The following COP1 variants were observed in gnomAD, a reference collection of about 807,000 sequenced individuals.
COP1 encodes the protein COP1 E3 ubiquitin ligase, also known as E3 ubiquitin-protein ligase COP1.
A neutral mutation model predicts 101.3 loss-of-function variants in COP1; 24 were observed. That is an observed-to-expected ratio of 0.24 (90% CI 0.17 to 0.33). The LOEUF is 0.33. Ranked by LOEUF, COP1 falls within the 10% of genes least tolerant of loss-of-function variation. COP1 has a pLI of 1.00. For synonymous variants in COP1, 347 were observed against 341.9 expected (o/e 1.01, Z -0.17); for missense variants, 663 against 906.2 (o/e 0.73, Z 3.45).
chr1:176,143,665 G>GGTT (rs1286752888), intron 6 of COP1, among the ~76,000 whole-genome samples: 7 of 152,068 alleles, frequency 4.6e-5, no homozygotes, highest in Non-Finnish European at 7.4e-5. Context: ...TTTATATAAG[G>GGTT]GGTGCAAGTA....
intron 5 of COP1, among the ~76,000 whole-genome samples, chr1:176,151,381 G>GAAAGAA (rs1216366265): frequency 8.9e-6 from 1 of 112,326 alleles, no homozygotes; most frequent in Non-Finnish European, 2.2e-5. Flanking sequence ...AAGAAAGAAA[G>GAAAGAA]AAAGAAAGAA....
At chr1:176,098,552 G>C (rs1234663113) in intron 9 of COP1, among the ~76,000 whole-genome samples, 1 of 152,152 alleles carries the variant, frequency 6.6e-6, no homozygotes, top group Admixed American at 6.5e-5. Flanking sequence ...TAAATTCTCT[G>C]TGTTAACATA....
intron 14 of COP1, among the ~76,000 whole-genome samples, chr1:176,035,710 C>CAAAAAA (rs71129541): frequency 1.5e-4 from 11 of 73,094 alleles, no homozygotes; most frequent in Admixed American, 4.5e-4. Context: ...AAAACGAGAC[C>CAAAAAA]AAAAAAAAAA....
intron 9 of COP1, among the ~76,000 whole-genome samples, chr1:176,092,967 A>G (rs998919432): frequency 1.3e-5 from 2 of 152,214 alleles, no homozygotes; most frequent in Admixed American, 1.3e-4. Flanking sequence ...TTCAACTGAA[A>G]AATTGTAGTA....
At position 175,968,281 on chromosome 1, in the gene COP1, C is replaced by T. The variant is rs143137160; in HGVS notation, c.2133+18662G>A. 2.9e-4 allele frequency: 87 copies of T among 298,732 alleles called. 1 individual carries two copies. The highest frequency in any genetic ancestry group is 5.9e-4 in the East Asian group (7 of 11,946). The allele number at this position is 298,732 out of a possible 1,614,324, so 18.5% of individuals were successfully genotyped here. Reference sequence around the variant, plus strand: ...AAGATACCTCAAAAACCAGTTCAGACGGATACAGAGGTAACTTTACTTGGT... The same window carrying T: ...AAGATACCTCAAAAACCAGTTCAGATGGATACAGAGGTAACTTTACTTGGT... On this transcript the variant is annotated intron_variant, in intron 18 of 19. Transcript: ENST00000367669.
chr1:176,040,712 CTT>C (rs938279791), intron 14 of COP1, among the ~76,000 whole-genome samples: 16 of 152,318 alleles, frequency 1.1e-4, no homozygotes, highest in African/African-American at 3.4e-4. Context: ...GCAGTCCACT[CTT>C]GTTTGTTTCC....
chr1:176,056,179 T>C (rs182849548), intron 11 of COP1, among the ~76,000 whole-genome samples: 21 of 152,326 alleles, frequency 1.4e-4, no homozygotes, highest in African/African-American at 5.1e-4. Flanking sequence ...TAATTTTTAT[T>C]TTCTGTAATT....
At chr1:176,118,068 C>A (rs182629260) in intron 8 of COP1, among the ~76,000 whole-genome samples, 1 of 152,132 alleles carries the variant, frequency 6.6e-6, no homozygotes, top group East Asian at 1.9e-4. Context: ...GGGAGGTACT[C>A]TAAGTAGTAC....
At chr1:176,076,187 T>A (rs906553579) in intron 11 of COP1, among the ~76,000 whole-genome samples, 9 of 151,926 alleles carry the variant, frequency 5.9e-5, no homozygotes, top group African/African-American at 2.2e-4. Flanking sequence ...CATCTGTACA[T>A]GGAACATGTT....
At chr1:176,063,101 G>A (rs915337987) in intron 11 of COP1, among the ~76,000 whole-genome samples, 13 of 124,616 alleles carry the variant, frequency 1.0e-4, no homozygotes, top group South Asian at 2.9e-4. Context: ...CGCCCAGGCC[G>A]GACTGCGGAC....
chr1:175,947,345 C>A, intron 18 of COP1, 106 bp from the exon 19 acceptor site: 2 of 756,790 alleles, frequency 2.6e-6, no homozygotes, highest in East Asian at 2.5e-5. Context: ...ATTCCTAAGA[C>A]AATTGAATCT....
chr1:176,172,043 T>A (rs1047716580), intron 3 of COP1, among the ~76,000 whole-genome samples: 4 of 152,222 alleles, frequency 2.6e-5, no homozygotes, highest in African/African-American at 9.6e-5. Flanking sequence ...CTCTCTTTTT[T>A]AAAACTTTAT....
chr1:176,065,188 C>T (rs905960074), intron 11 of COP1, among the ~76,000 whole-genome samples: 5 of 151,998 alleles, frequency 3.3e-5, no homozygotes, highest in African/African-American at 1.2e-4. Flanking sequence ...GATGAGACTG[C>T]CAGAGGTTAA....
intron 9 of COP1, among the ~76,000 whole-genome samples, chr1:176,115,320 C>T (rs1369386262): frequency 6.6e-6 from 1 of 152,068 alleles, no homozygotes; most frequent in East Asian, 1.9e-4. Flanking sequence ...CGCGGTGGCA[C>T]ACGCTTGTAG....
At position 175,987,138 on chromosome 1, in the gene COP1, A is replaced by T. The variant is rs756988017; in HGVS notation, c.1973-35T>A. Reference sequence around the variant, plus strand: ...AATAATAATAATAGTATTTTAGAATAGAAAAACTCGGAATTAGGACATCAC... The same window carrying T: ...AATAATAATAATAGTATTTTAGAATTGAAAAACTCGGAATTAGGACATCAC... On this transcript the variant is annotated intron_variant, in intron 17 of 19. Coordinates refer to ENST00000367669, the MANE Select transcript of COP1 (RefSeq NM_022457.7). 42 of 1,191,758 alleles carry T rather than the reference A, an allele frequency of 3.5e-5. No individual in the cohort carries two copies. The African/African-American group carries it at 5.6e-4, about 16-fold the overall frequency. The allele number at this position is 1,191,758 out of a possible 1,614,324, so 73.8% of individuals were successfully genotyped here.
chr1:176,007,328 C>A (rs1374516491), intron 15 of COP1, among the ~76,000 whole-genome samples: 1 of 152,134 alleles, frequency 6.6e-6, no homozygotes, highest in Non-Finnish European at 1.5e-5. Context: ...TCGTCTGAAG[C>A]CTTCTTCTCT....
At chr1:176,128,901 C>T (rs1009630789) in intron 8 of COP1, among the ~76,000 whole-genome samples, 2 of 151,706 alleles carry the variant, frequency 1.3e-5, no homozygotes, top group Non-Finnish European at 3.0e-5. Context: ...GGTAATAATC[C>T]AGCCAAAGAC....
intron 5 of COP1, 44 bp downstream of exon 5, chr1:176,162,825 A>G (rs1015446132): frequency 3.3e-6 from 5 of 1,531,126 alleles, no homozygotes; most frequent in Admixed American, 2.0e-5. Flanking sequence ...TATTGCAATA[A>G]AGTTCATCAT....
chr1:176,147,075 A>T (rs2149810686), intron 6 of COP1, among the ~76,000 whole-genome samples: 1 of 152,316 alleles, frequency 6.6e-6, no homozygotes, highest in African/African-American at 2.4e-5. Flanking sequence ...CACGAAGTTA[A>T]TTTTCAAAGT....
Sources: gnomAD v4.1 joint callset for allele counts (sites outside exome capture counted in the v4.1 genomes callset) on GRCh38, gnomAD v4.1.1 for gene constraint, MANE v1.5 for transcripts, NCBI Gene and HGNC (gene_info 2026-07-23, HGNC 2026-07-21) for gene names.